The following SYNPO2 variants were observed in gnomAD, a reference collection of about 807,000 sequenced individuals.
SYNPO2 encodes the protein synaptopodin 2, also known as synaptopodin-2.
Under a neutral mutation model 85.0 loss-of-function variants are expected in SYNPO2, and 56 were observed. The ratio of observed to expected loss-of-function variants is 0.66; its 90% confidence interval spans 0.53 to 0.82. The LOEUF (loss-of-function observed/expected upper bound fraction) is 0.82. Ranked by LOEUF, SYNPO2 falls within the 40% of genes least tolerant of loss-of-function variation. The pLI is 0.00. For missense variants in SYNPO2, 1,575 were observed against 1,534.2 expected (o/e 1.03, Z -0.44); for synonymous variants, 602 against 591.1 (o/e 1.02, Z -0.27).
intron 1 of SYNPO2, among the ~76,000 whole-genome samples, chr4:118,853,540 A>G (rs115673460): frequency 1.1e-3 from 147 of 130,604 alleles, no homozygotes; most frequent in African/African-American, 3.6e-3. Flanking sequence ...TAACCCATAT[A>G]AAGACAGAGA....
chr4:118,928,635 A>C (rs991627377), intron 1 of SYNPO2, among the ~76,000 whole-genome samples: 13 of 152,140 alleles, frequency 8.5e-5, no homozygotes, highest in Admixed American at 3.3e-4. Context: ...GCAGATACAA[A>C]AAGATGCTTT....
intron 1 of SYNPO2, among the ~76,000 whole-genome samples, chr4:119,023,011 C>T (rs1480387510): frequency 2.6e-5 from 4 of 151,174 alleles, no homozygotes; most frequent in South Asian, 4.2e-4. Context: ...CTCCTGACCT[C>T]GTGATCCACC....
chr4:118,905,443 C>CGTGTGTGT (rs3051210), intron 1 of SYNPO2, among the ~76,000 whole-genome samples: 13 of 150,152 alleles, frequency 8.7e-5, no homozygotes, highest in Middle Eastern at 3.2e-3. Flanking sequence ...TGTGTGTGTG[C>CGTGTGTGT]GTGTGTGTGT....
At chr4:119,007,323 C>CTA (rs1560972927) in intron 1 of SYNPO2, among the ~76,000 whole-genome samples, 1 of 21,976 alleles carries the variant, frequency 4.6e-5, no homozygotes, top group Non-Finnish European at 1.0e-4. Context: ...TATAGGCATA[C>CTA]TCTATTTTAC....
intron 2 of SYNPO2, 88 bp from the exon 3 acceptor site, chr4:119,026,539 T>C (rs777881171): frequency 2.8e-4 from 379 of 1,374,522 alleles, no homozygotes; most frequent in Non-Finnish European, 3.5e-4. Context: ...CTATATCACA[T>C]ATTAGACATC....
intron 1 of SYNPO2, among the ~76,000 whole-genome samples, chr4:118,974,907 CTA>C (rs1735666748): frequency 6.6e-6 from 1 of 152,176 alleles, no homozygotes; most frequent in Non-Finnish European, 1.5e-5. Flanking sequence ...CCTTGTTTCT[CTA>C]TCTTCAGTCA....
At chr4:118,915,759 T>C (rs1001647693) in intron 1 of SYNPO2, among the ~76,000 whole-genome samples, 4 of 152,190 alleles carry the variant, frequency 2.6e-5, no homozygotes, top group Admixed American at 2.6e-4. Context: ...TGCCAAACTC[T>C]TGTTCAAGTT....
intron 1 of SYNPO2, among the ~76,000 whole-genome samples, chr4:118,931,849 A>G (rs1185847055): frequency 2.0e-5 from 3 of 152,186 alleles, no homozygotes; most frequent in Non-Finnish European, 4.4e-5. Flanking sequence ...TACACATAAT[A>G]AAAAAATCAG....
intron 1 of SYNPO2, among the ~76,000 whole-genome samples, chr4:118,928,199 T>C (rs1733801783): frequency 2.0e-5 from 3 of 152,208 alleles, no homozygotes. Context: ...CATGTTGCCC[T>C]TTAAGAAGTG....
chr4:118,972,106 A>G (rs1256863153), intron 1 of SYNPO2, among the ~76,000 whole-genome samples: 1 of 152,198 alleles, frequency 6.6e-6, no homozygotes, highest in Non-Finnish European at 1.5e-5. Context: ...CTCAGAACAT[A>G]AAAGAAAGAG....
chr4:119,039,271 C>T (rs980646034), intron 4 of SYNPO2, among the ~76,000 whole-genome samples: 4 of 151,978 alleles, frequency 2.6e-5, no homozygotes, highest in South Asian at 2.1e-4. Context: ...GGCTAAGCCT[C>T]GGGACCCAAC....
At chr4:118,892,446 A>G (rs1169062457) in intron 1 of SYNPO2, among the ~76,000 whole-genome samples, 1 of 152,156 alleles carries the variant, frequency 6.6e-6, no homozygotes, top group Non-Finnish European at 1.5e-5. Context: ...ATTTATCCAA[A>G]CAGAAAACCC....
intron 1 of SYNPO2, among the ~76,000 whole-genome samples, chr4:118,974,924 C>G (rs1560931645): frequency 1.3e-5 from 2 of 152,170 alleles, no homozygotes; most frequent in African/African-American, 4.8e-5. Flanking sequence ...CAGTCATCTC[C>G]TGTCTAGTCC....
chr4:118,955,745 CAT>C (rs33972153), intron 1 of SYNPO2, among the ~76,000 whole-genome samples: 66,172 of 151,706 alleles, frequency 0.44, 14,600 homozygotes, highest in Admixed American at 0.55. Context: ...ATGTGACTCT[CAT>C]GTGAAGAATG....
chr4:119,045,857 C>T (rs1176980576), intron 4 of SYNPO2, among the ~76,000 whole-genome samples: 1 of 152,124 alleles, frequency 6.6e-6, no homozygotes, highest in Non-Finnish European at 1.5e-5. Context: ...TGTAGAGTGA[C>T]ATACTTCTTT....
At chr4:119,033,815 T>A in intron 4 of SYNPO2, 6 of 984,616 alleles carry the variant, frequency 6.1e-6, no homozygotes, top group Non-Finnish European at 7.2e-6. Flanking sequence ...TTTCTCTATA[T>A]GGCTCCCACA....
chr4:118,899,791 C>T (rs1008147022), intron 1 of SYNPO2, among the ~76,000 whole-genome samples: 19 of 152,282 alleles, frequency 1.2e-4, no homozygotes, highest in African/African-American at 4.1e-4. Flanking sequence ...GACGCAGCCT[C>T]GCTCTTGTCA....
intron 1 of SYNPO2, among the ~76,000 whole-genome samples, chr4:118,870,361 A>T (rs1463013601): frequency 6.6e-6 from 1 of 152,226 alleles, no homozygotes; most frequent in Non-Finnish European, 1.5e-5. Context: ...TTAAGGAAAG[A>T]TTTATTAAGC....
At chr4:119,006,453 A>C (rs754680571) in intron 1 of SYNPO2, 2 of 152,170 alleles carry the variant, frequency 1.3e-5, no homozygotes, top group Non-Finnish European at 2.9e-5. Flanking sequence ...GGGGATTACT[A>C]AGAGAAATTA....
Sources: gnomAD v4.1 joint callset for allele counts (sites outside exome capture counted in the v4.1 genomes callset) on GRCh38, gnomAD v4.1.1 for gene constraint, MANE v1.5 for transcripts, NCBI Gene and HGNC (gene_info 2026-07-23, HGNC 2026-07-21) for gene names.